Variants in SNX19 observed in about 807,000 individuals in gnomAD.
The protein encoded by SNX19 is sorting nexin 19.
A neutral mutation model predicts 85.2 loss-of-function variants in SNX19; 60 were observed. That is an observed-to-expected ratio of 0.70 (90% CI 0.57 to 0.87). The LOEUF is 0.87. Ranked by LOEUF, SNX19 falls within the 40% of genes least tolerant of loss-of-function variation. SNX19 has a pLI of 0.00. For missense variants in SNX19, 1,201 were observed against 1,217.8 expected, an observed-to-expected ratio of 0.99 and a Z score of 0.21; for synonymous variants, 520 against 470.0, an observed-to-expected ratio of 1.11 and a Z score of -1.38.
rs1943011888 is a variant in SNX19 at position 130,871,147 on chromosome 11, T to TA, written c.*7274dup. On this transcript the variant is annotated 3_prime_UTR_variant, in exon 11 of 11. Transcript: ENST00000265909. ...AAGGAACATGCTGGTTTGGGCAGAA[T>TA]AAAAAATCCCTAGATTTTTTTGGAA... Among the ~76,000 whole-genome samples, 1 of 152,152 alleles carries TA rather than the reference T, an allele frequency of 6.6e-6. No homozygotes were observed. Among genetic ancestry groups the TA allele is most frequent in the African/African-American group, 2.4e-5 (1 of 41,446 alleles).
rs1020097427 is a variant in SNX19, at chr11:130,905,653, G to A, written c.2443+300C>T. ...AAGTTTCTAAGAAATGCAAGAGTCT[G>A]ATATGCCAAAGCATGCCAAAAATAA... On this transcript the variant is annotated intron_variant, in intron 7 of 10. Coordinates refer to ENST00000265909, the MANE Select transcript of SNX19 (RefSeq NM_014758.3). The A allele has an allele frequency of 3.0e-5, 45 of 1,491,124 alleles. 1 individual carries two copies. The Middle Eastern group carries it at 1.2e-3, about 40-fold the overall frequency. The allele number at this position is 1,491,124 out of a possible 1,614,324, so 92.4% of individuals were successfully genotyped here.
intron 8 of SNX19, among the ~76,000 whole-genome samples, chr11:130,893,609 A>C (rs1944659685): frequency 6.6e-6 from 1 of 152,166 alleles, no homozygotes; most frequent in African/African-American, 2.4e-5. Context: ...TGAAGGACGT[A>C]GGGACACCGA....
At chr11:130,899,965 A>G (rs1311271809) in intron 8 of SNX19, among the ~76,000 whole-genome samples, 1 of 152,226 alleles carries the variant, frequency 6.6e-6, no homozygotes, top group East Asian at 1.9e-4. Context: ...AGGGAAATTC[A>G]GCTGTAAGCC....
chr11:130,879,528 T>C, intron 10 of SNX19, 96 bp downstream of exon 10: 1 of 1,051,426 alleles, frequency 9.5e-7, no homozygotes, highest in Admixed American at 1.9e-5. Context: ...ATCCTATTCT[T>C]TGGAATGTGG....
rs1039264059 is a variant in SNX19, at chr11:130,888,551, A to G, written c.2574-7745T>C. Reference sequence around the variant, plus strand: ...ACTGCATGCTAATCAGGCAGGGCACACTCCTACTGAACCCATAATGGTTTC... The same window carrying G: ...ACTGCATGCTAATCAGGCAGGGCACGCTCCTACTGAACCCATAATGGTTTC... On this transcript the variant is annotated intron_variant, in intron 8 of 10. Transcript: ENST00000265909. Among the ~76,000 whole-genome samples the G allele has an allele frequency of 2.6e-5, 4 of 152,138 alleles. No homozygotes were observed. In the East Asian group the frequency reaches 7.7e-4, roughly 29 times the overall value.
chr11:130,906,132 T>G lies in SNX19; in HGVS notation c.2264A>C (p.Glu755Ala), dbSNP rs200475146. The G allele has an allele frequency of 1.4e-5, 23 of 1,613,234 alleles. No homozygotes were observed. The African/African-American group carries it at 2.8e-4, about 20-fold the overall frequency. The change falls in exon 7 of 11, where the codon GAG becomes GCG. Residue 755 changes from glutamate (E) to alanine (A), a missense_variant and splice_region_variant. Around this residue, in one of 3 missense-constraint regions of SNX19, gnomAD observed 285 missense variants for 295.3 expected, o/e 0.97. Transcript: ENST00000265909. ...CGCAGACATGGATAGAGTCTCAGAC[T>G]CCTAAGAAATAGTCAGTGGCATATC... Reference protein sequence around the residue: ...ILYCLQEGNVESETLSMSAME... With the variant: ...ILYCLQEGNVASETLSMSAME...
chr11:130,881,898 A>G (rs1212129953), intron 8 of SNX19, among the ~76,000 whole-genome samples: 1 of 152,186 alleles, frequency 6.6e-6, no homozygotes, highest in Non-Finnish European at 1.5e-5. Context: ...AAGCTGTAAG[A>G]GTTCTGTGTC....
At chr11:130,911,429 G>A in intron 2 of SNX19, 1 of 1,379,336 alleles carries the variant, frequency 7.2e-7, no homozygotes, top group Non-Finnish European at 9.4e-7. Flanking sequence ...CCAGAACAAA[G>A]CAGTTGGCAG....
chr11:130,906,420 G>A (rs1945674212), intron 6 of SNX19, among the ~76,000 whole-genome samples: 1 of 152,128 alleles, frequency 6.6e-6, no homozygotes, highest in Non-Finnish European at 1.5e-5. Context: ...CACCATGGTT[G>A]AGAAGCCAAC....
intron 6 of SNX19, among the ~76,000 whole-genome samples, chr11:130,906,408 C>T (rs1231398666): frequency 1.3e-5 from 2 of 152,142 alleles, no homozygotes; most frequent in East Asian, 3.8e-4. Context: ...TTATCCGAAA[C>T]CCACCATGGT....
chr11:130,867,540 T>C lies in SNX19; in HGVS notation c.*10882A>G, dbSNP rs1942818563. ...TTTTGGCAGGTTTAAAGAGGAAAAA[T>C]GAAGGATAGGAAGTTTTTATCCTAG... is the stretch of plus-strand genomic sequence containing the variant. On this transcript the variant is annotated 3_prime_UTR_variant, in exon 11 of 11. Coordinates refer to ENST00000265909, the MANE Select transcript of SNX19 (RefSeq NM_014758.3). 1 of 152,096 alleles carries C rather than the reference T, an allele frequency of 6.6e-6. No individual in the cohort carries two copies. The allele number at this position is 152,096 out of a possible 1,614,324, so 9.4% of individuals were successfully genotyped here. A position where few individuals can be genotyped will look rare whatever the true frequency, so the allele number is the denominator to read the frequency against.
chr11:130,910,452 C>T (rs1946019470), intron 2 of SNX19, 82 bp from the exon 3 acceptor site: 1 of 1,009,496 alleles, frequency 9.9e-7, no homozygotes, highest in Non-Finnish European at 1.4e-6. Context: ...ATAAAGAAAA[C>T]AGAACTATTG....
chr11:130,867,742 C>T lies in SNX19; in HGVS notation c.*10680G>A, dbSNP rs1361657976. ...CGTTGTTCCGGAATCTGGCCATGTGCTAAGAGACAGCTTCTGCTCCCTATC... is the reference window on the plus strand; with the variant it reads ...CGTTGTTCCGGAATCTGGCCATGTGTTAAGAGACAGCTTCTGCTCCCTATC... On this transcript the variant is annotated 3_prime_UTR_variant, in exon 11 of 11. Coordinates refer to ENST00000265909, the MANE Select transcript of SNX19 (RefSeq NM_014758.3). 1 of 152,142 alleles carries T rather than the reference C, an allele frequency of 6.6e-6. No homozygotes were observed. Among genetic ancestry groups the T allele is most frequent in the Admixed American group, 6.5e-5 (1 of 15,272 alleles). 9.4% of individuals were successfully genotyped at this position (152,142 alleles called of 1,614,324 possible).
At chr11:130,905,549 T>C (rs1945599465) in intron 7 of SNX19, 4 of 810,566 alleles carry the variant, frequency 4.9e-6, no homozygotes, top group Non-Finnish European at 7.3e-6. Context: ...GGCAGGTGGA[T>C]CATGGAGCCA....
At position 130,906,106 on chromosome 11, in the gene SNX19, T is replaced by G. The variant is rs774222355; in HGVS notation, c.2290A>C (p.Met764Leu). ...VESETLSMSA[M>L]ESFIEKQTKL... ...GTCTGTTTTTCAATAAAAGATTCCA[T>G]CGCAGACATGGATAGAGTCTCAGAC... Residue 764 changes from methionine (M) to leucine (L), a missense_variant, in exon 7 of 11, where the codon ATG becomes CTG. By Grantham distance (15) the Met-to-Leu change is conservative. Coordinates refer to ENST00000265909, the MANE Select transcript of SNX19 (RefSeq NM_014758.3). 3.7e-6 allele frequency: 6 copies of G among 1,614,036 alleles called. No homozygotes were observed. Among genetic ancestry groups the G allele is most frequent in the Non-Finnish European group, 5.1e-6 (6 of 1,179,972 alleles).
At position 130,869,157 on chromosome 11, in the gene SNX19, C is replaced by T. The variant is rs1942910137; in HGVS notation, c.*9265G>A. ...GGGAAGACAGACCAACAGGCAAACC[C>T]TAAGGGCGGGTTAGAAAGAAGCTTG... On this transcript the variant is annotated 3_prime_UTR_variant, in exon 11 of 11. Transcript: ENST00000265909. The T allele has an allele frequency of 6.6e-6, 1 of 152,238 alleles. No individual in the cohort carries two copies. The highest frequency in any genetic ancestry group is 6.5e-5 in the Admixed American group (1 of 15,282). 9.4% of individuals were successfully genotyped at this position (152,238 alleles called of 1,614,324 possible).
At chr11:130,881,086 C>T (rs1269251797) in intron 8 of SNX19, 1 of 272,870 alleles carries the variant, frequency 3.7e-6, no homozygotes, top group Non-Finnish European at 6.8e-6. Flanking sequence ...GGGCCCTTGC[C>T]AGACACCAGT....
At chr11:130,883,961 T>C (rs924757983) in intron 8 of SNX19, among the ~76,000 whole-genome samples, 28 of 152,228 alleles carry the variant, frequency 1.8e-4, no homozygotes, top group African/African-American at 5.8e-4. Context: ...TTATTATCAC[T>C]CACTATGCCT....
In SNX19 at chr11:130,872,130, G is replaced by A. The variant is rs1343228471; in HGVS notation, c.*6292C>T. The stretch of plus-strand genomic sequence containing the variant: ...AAGTGAAGACAGGTGGAAAAACCAG[G>A]TTTCATCAAGCTGTTGAAGAGACAT... On this transcript the variant is annotated 3_prime_UTR_variant, in exon 11 of 11. Transcript: ENST00000265909. Among the ~76,000 whole-genome samples, 1 of 152,136 alleles carries A rather than the reference G, an allele frequency of 6.6e-6. No individual in the cohort carries two copies. Among genetic ancestry groups the A allele is most frequent in the Non-Finnish European group, 1.5e-5 (1 of 68,034 alleles).
Sources: allele counts gnomAD v4.1 joint callset (sites outside exome capture counted in the v4.1 genomes callset), GRCh38; gene constraint gnomAD v4.1.1; regional missense constraint gnomAD v4.1.1; transcripts MANE v1.5; gene names NCBI Gene and HGNC (gene_info 2026-07-23, HGNC 2026-07-21).